Variants in RIMS1 observed in about 807,000 individuals in gnomAD.
RIMS1 encodes regulating synaptic membrane exocytosis protein 1.
In RIMS1, 83 loss-of-function variants were observed where a neutral mutation model predicts 214.1. The ratio of observed to expected loss-of-function variants is 0.39; its 90% CI spans 0.32 to 0.47. The LOEUF is 0.47. Ranked by LOEUF, RIMS1 falls within the 20% of genes least tolerant of loss-of-function variation. The pLI is 0.99. For synonymous variants in RIMS1, 793 were observed against 786.8 expected (o/e 1.01, Z -0.13); for missense variants, 2,050 against 2,161.8 (o/e 0.95, Z 1.03).
chr6:72,025,341 G>A (rs1816100170), intron 2 of RIMS1, among the ~76,000 whole-genome samples: 1 of 152,174 alleles, frequency 6.6e-6, no homozygotes, highest in South Asian at 2.1e-4. Flanking sequence ...CTCACACATA[G>A]TGTGAAGAAG....
rs1040641702 is a variant in RIMS1, at chr6:72,332,161, A to G, written c.4131-1439A>G. ...TCTGACTCACATATTAAATGTCCTC[A>G]CTGTTAAAGATGCTATATCAGCTAG... On this transcript the variant is annotated intron_variant, in intron 28 of 33. Transcript: ENST00000521978. 4.0e-5 allele frequency among the ~76,000 whole-genome samples: 6 copies of G among 151,894 alleles called. No individual in the cohort carries two copies. The South Asian group carries it at 6.2e-4, about 16-fold the overall frequency.
At chr6:71,971,009 A>T (rs1795712566) in intron 2 of RIMS1, among the ~76,000 whole-genome samples, 1 of 138,476 alleles carries the variant, frequency 7.2e-6, no homozygotes, top group Non-Finnish European at 1.6e-5. Flanking sequence ...TAGTGACCAG[A>T]CCTCTTTTAA....
At chr6:72,044,735 G>A (rs1279734277) in intron 2 of RIMS1, among the ~76,000 whole-genome samples, 1 of 151,894 alleles carries the variant, frequency 6.6e-6, no homozygotes, top group Admixed American at 6.6e-5. Context: ...TGGTGTAGTT[G>A]AGATTATCAC....
chr6:72,342,654 T>G (rs1386001209), intron 29 of RIMS1, among the ~76,000 whole-genome samples: 1 of 144,874 alleles, frequency 6.9e-6, no homozygotes, highest in Non-Finnish European at 1.5e-5. Context: ...TGTGTGTGTG[T>G]GTGGGCATGC....
chr6:72,035,179 G>C (rs1268915258), intron 2 of RIMS1, among the ~76,000 whole-genome samples: 1 of 152,102 alleles, frequency 6.6e-6, no homozygotes, highest in East Asian at 1.9e-4. Context: ...AATTTATGAA[G>C]ATCTCTGTAA....
chr6:72,250,591 A>G (rs1249051424), intron 13 of RIMS1, 131 bp downstream of exon 13: 2 of 646,572 alleles, frequency 3.1e-6, no homozygotes, highest in Non-Finnish European at 4.9e-6. Context: ...TTATCTCTGA[A>G]AAAAGAAGTC....
chr6:71,963,615 G>A (rs1235180993), intron 1 of RIMS1, among the ~76,000 whole-genome samples: 1 of 152,098 alleles, frequency 6.6e-6, no homozygotes, highest in African/African-American at 2.4e-5. Flanking sequence ...ATATTAAAGA[G>A]TCCTTTCCAC....
intron 26 of RIMS1, among the ~76,000 whole-genome samples, chr6:72,304,434 A>G (rs938265935): frequency 6.6e-6 from 1 of 151,810 alleles, no homozygotes; most frequent in Admixed American, 6.6e-5. Flanking sequence ...GAATTCAATT[A>G]ACTTTTAATC....
chr6:72,182,925 G>A lies in RIMS1; in HGVS notation c.1454G>A (p.Arg485Gln), dbSNP rs895247293. 6.3e-7 allele frequency: 1 copy of A among 1,584,100 alleles called. No individual in the cohort carries two copies. ...GACCCCAGCTCGGCGGTCCTCATGC[G>A]GAAGGCCAAGCGCGAGAAGGTGGAG... ...RLDPSSAVLM[R>Q]KAKREKVETM... The change falls in exon 6 of 34, where the codon CGG becomes CAG. Residue 485 changes from arginine (R) to glutamine (Q), a missense_variant. Arg to Gln is a conservative substitution (Grantham distance 43, BLOSUM62 1). Transcript: ENST00000521978.
At chr6:72,372,270 C>T (rs2098243172) in intron 29 of RIMS1, among the ~76,000 whole-genome samples, 1 of 152,132 alleles carries the variant, frequency 6.6e-6, no homozygotes, top group African/African-American at 2.4e-5. Context: ...TCTCATTCAA[C>T]AATTGAGATT....
intron 3 of RIMS1, among the ~76,000 whole-genome samples, chr6:72,098,852 ATC>A (rs2032751276): frequency 6.6e-6 from 1 of 152,210 alleles, no homozygotes; most frequent in Non-Finnish European, 1.5e-5. Flanking sequence ...ATAGGCAATC[ATC>A]ATATGCCACC....
At chr6:72,109,943 A>T (rs1001583448) in intron 4 of RIMS1, among the ~76,000 whole-genome samples, 1 of 152,088 alleles carries the variant, frequency 6.6e-6, no homozygotes, top group Non-Finnish European at 1.5e-5. Flanking sequence ...TCCCAGCACC[A>T]TTTATTAAAT....
At chr6:71,957,585 A>T (rs1316325326) in intron 1 of RIMS1, among the ~76,000 whole-genome samples, 1 of 150,410 alleles carries the variant, frequency 6.6e-6, no homozygotes, top group Non-Finnish European at 1.5e-5. Flanking sequence ...TGAATCTATA[A>T]ATAAGTACAT....
rs555935627 is a variant in RIMS1, at chr6:72,303,772, A to G, written c.3851-3486A>G. Among the ~76,000 whole-genome samples the G allele has an allele frequency of 4.6e-5, 7 of 151,686 alleles. No homozygotes were observed. The South Asian group carries it at 1.2e-3, about 27-fold the overall frequency. On this transcript the variant is annotated intron_variant, in intron 26 of 33. Transcript: ENST00000521978. ...TCAATAAATACATTTTTGTAAACTA[A>G]TAAGTGCTTTTTGAAAGTACCATTT...
intron 9 of RIMS1, 39 bp downstream of exon 9, chr6:72,237,961 C>G (rs1220234334): frequency 7.2e-7 from 1 of 1,391,702 alleles, no homozygotes; most frequent in Non-Finnish European, 1.0e-6. Flanking sequence ...AGTGTGTTCT[C>G]CATGCATGAA....
intron 2 of RIMS1, among the ~76,000 whole-genome samples, chr6:72,056,817 TAATA>T (rs1171163862): frequency 1.3e-5 from 2 of 152,178 alleles, no homozygotes; most frequent in Non-Finnish European, 1.5e-5. Context: ...TAAGGTTAAA[TAATA>T]AATAGATTAC....
At chr6:72,400,051 C>T (rs2098823525) in intron 33 of RIMS1, among the ~76,000 whole-genome samples, 2 of 152,164 alleles carry the variant, frequency 1.3e-5, no homozygotes, top group African/African-American at 4.8e-5. Flanking sequence ...ATTCTTTGTA[C>T]ATACTTTCTG....
chr6:72,383,088 T>G (rs1253925029), intron 29 of RIMS1, among the ~76,000 whole-genome samples: 1 of 152,224 alleles, frequency 6.6e-6, no homozygotes, highest in African/African-American at 2.4e-5. Flanking sequence ...CTCTCCAGTT[T>G]ACATGCTCAT....
chr6:72,003,902 G>A (rs865797754), intron 2 of RIMS1, among the ~76,000 whole-genome samples: 1 of 149,686 alleles, frequency 6.7e-6, no homozygotes, highest in Non-Finnish European at 1.5e-5. Context: ...AAGTTTTAGG[G>A]TACATGTGCA....
Sources: allele counts gnomAD v4.1 joint callset (sites outside exome capture counted in the v4.1 genomes callset), GRCh38; gene constraint gnomAD v4.1.1; transcripts MANE v1.5; gene names NCBI Gene and HGNC (gene_info 2026-07-23, HGNC 2026-07-21).